MYO1C: variants seen among roughly 807,000 people sequenced by gnomAD.
The protein encoded by MYO1C is myosin IC.
A neutral mutation model predicts 150.8 loss-of-function variants in MYO1C; 104 were observed. The observed-to-expected ratio is 0.69, with a 90% CI of 0.59 to 0.81. The LOEUF (loss-of-function observed/expected upper bound fraction) is 0.81, where lower values mean the gene tolerates loss of function less well. Ranked by LOEUF, MYO1C falls within the 30% of genes least tolerant of loss-of-function variation. The pLI is 0.00. For missense variants in MYO1C, 1,504 were observed against 1,435.0 expected (o/e 1.05, Z -0.78); for synonymous variants, 663 against 579.9 (o/e 1.14, Z -2.06).
Position 1,479,993 on chromosome 17 carries a change from A to G in MYO1C, c.907-288T>C, listed in dbSNP as rs1182950061. Among the ~76,000 whole-genome samples the G allele has an allele frequency of 6.6e-6, 1 of 151,712 alleles. No individual in the cohort carries two copies. The highest frequency in any genetic ancestry group is 1.5e-5 in the Non-Finnish European group (1 of 67,928). ...AAACCCCATCATTATTAAAAATACAAAAATTAGCCAGGTGTGGTGGCAGGT... is the reference window on the plus strand; with the variant it reads ...AAACCCCATCATTATTAAAAATACAGAAATTAGCCAGGTGTGGTGGCAGGT... On this transcript the variant is annotated intron_variant, in intron 7 of 31. Coordinates refer to ENST00000648651, the MANE Select transcript of MYO1C (RefSeq NM_001080779.2). This position sits in a 1 kb window ranked among gnomAD's most constrained non-coding sequence, Gnocchi z 4.2.
rs1031352368 is a variant in MYO1C at position 1,474,084 on chromosome 17, C to A, written c.1797+526G>T. Among the ~76,000 whole-genome samples, 13 of 151,710 alleles carry A rather than the reference C, an allele frequency of 8.6e-5. No homozygotes were observed. In the East Asian group the frequency reaches 2.5e-3, roughly 29 times the overall value. ...ACAAGGATTCCCCTACAGACACAGC[C>A]CACACTGAAGACACACGACTCCACT... On this transcript the variant is annotated intron_variant, in intron 17 of 31. Coordinates refer to ENST00000648651, the MANE Select transcript of MYO1C (RefSeq NM_001080779.2).
At chr17:1,484,476 G>A (rs1203123928) in intron 1 of MYO1C, 173 bp from the exon 2 acceptor site, 15 of 741,020 alleles carry the variant, frequency 2.0e-5, no homozygotes, top group African/African-American at 5.2e-5. Flanking sequence ...TGGGTGTGGT[G>A]GGCCGGGTGC....
chr17:1,482,330 G>A, intron 5 of MYO1C, 148 bp downstream of exon 5: 1 of 766,316 alleles, frequency 1.3e-6, no homozygotes, highest in Non-Finnish European at 2.3e-6. Flanking sequence ...CCTGTTTATT[G>A]TTTATCACCC....
In MYO1C at chr17:1,470,036, A is replaced by AT. The variant is rs61440969; in HGVS notation, c.2526+138_2526+139insA. On this transcript the variant is annotated intron_variant, in intron 24 of 31. Transcript: ENST00000648651. ...TGTGAGACTCCATCTCAAAAAAAAA[A>AT]GAGACCTTACTTTTCACTGCTCAGC... is the stretch of plus-strand genomic sequence containing the variant. 0.015 allele frequency: 13,495 copies of AT among 923,318 alleles called. 1,116 individuals carry two copies. In the African/African-American group the frequency reaches 0.19, roughly 13 times the overall value. The allele number at this position is 923,318 out of a possible 1,614,324, so 57.2% of individuals were successfully genotyped here.
In MYO1C at chr17:1,465,459, C is replaced by T. The variant is rs935350678; in HGVS notation, c.*267G>A. ...AACCTCAGCAAAAGTTCCCTTCTCT[C>T]AAATATTTGGCATCGGCAGTAGGGC... On this transcript the variant is annotated 3_prime_UTR_variant, in exon 32 of 32. Coordinates refer to ENST00000648651, the MANE Select transcript of MYO1C (RefSeq NM_001080779.2). 12 of 378,240 alleles carry T rather than the reference C, an allele frequency of 3.2e-5. No homozygotes were observed. Among genetic ancestry groups the T allele is most frequent in the Middle Eastern group, 6.1e-4 (1 of 1,648 alleles). The allele number at this position is 378,240 out of a possible 1,614,324, so 23.4% of individuals were successfully genotyped here.
In MYO1C at chr17:1,482,545, G is replaced by A; in HGVS notation, c.560C>T (p.Ala187Val). 5 of 1,613,960 alleles carry A rather than the reference G, an allele frequency of 3.1e-6. No individual in the cohort carries two copies. Among genetic ancestry groups the A allele is most frequent in the Non-Finnish European group, 4.2e-6 (5 of 1,179,952 alleles). The change falls in exon 5 of 32, where the codon GCC becomes GTC. Residue 187 changes from alanine (A) to valine (V), a missense_variant. Transcript: ENST00000648651. ...GGAGTTATCGTTCCGGAGGGTCTTG[G>A]CATTTCCAAAGGCCTAGGAGTGGAC... ...SNPVLEAFGN[A>V]KTLRNDNSSR...
At position 1,467,239 on chromosome 17, in the gene MYO1C, C is replaced by G; in HGVS notation, c.3165+3G>C. On this transcript the variant is annotated splice_donor_region_variant and intron_variant, in intron 31 of 31. Transcript: ENST00000648651. Reference sequence around the variant, plus strand: ...CATAAGCGGGAAAGCAGGCCCCACTCACCACAGCCAGGTGCCCGTTCTTGG... The same window carrying G: ...CATAAGCGGGAAAGCAGGCCCCACTGACCACAGCCAGGTGCCCGTTCTTGG... 1 of 1,610,188 alleles carries G rather than the reference C, an allele frequency of 6.2e-7. No individual in the cohort carries two copies.
chr17:1,468,432 A>G lies in MYO1C; in HGVS notation c.2675T>C (p.Val892Ala). 6.2e-7 allele frequency: 1 copy of G among 1,614,018 alleles called. No individual in the cohort carries two copies. Among genetic ancestry groups the G allele is most frequent in the South Asian group, 1.1e-5 (1 of 91,070 alleles). Residue 892 changes from valine to alanine, a missense_variant, in exon 26 of 32, where the codon GTA (valine) becomes GCA (alanine). Physicochemically the swap from Val to Ala is moderately conservative, Grantham distance 64. Transcript: ENST00000648651. Reference sequence around the variant, plus strand: ...CCGAGTGCTGATGAAGAGCCTGGGTACACTCTGAGGGTAATTATCCTTCTT... The same window carrying G: ...CCGAGTGCTGATGAAGAGCCTGGGTGCACTCTGAGGGTAATTATCCTTCTT... ...KGKKDNYPQS[V>A]PRLFISTRLG...
intron 31 of MYO1C, among the ~76,000 whole-genome samples, chr17:1,466,033 A>C (rs111911627): frequency 0.011 from 1,622 of 151,776 alleles, 39 homozygotes; most frequent in African/African-American, 0.037. Flanking sequence ...TCCATCCTGG[A>C]GACTCAGACC....
chr17:1,485,669 C>A, intron 1 of MYO1C: 1 of 1,213,530 alleles, frequency 8.2e-7, no homozygotes, highest in Non-Finnish European at 1.0e-6. Context: ...GACCCCCCGC[C>A]CTGCCCCGCC....
At chr17:1,485,098 A>G in intron 1 of MYO1C, 1 of 1,239,652 alleles carries the variant, frequency 8.1e-7, no homozygotes, top group Non-Finnish European at 1.0e-6. Context: ...AGTCCTGAGA[A>G]GCCTCAGGGG....
At chr17:1,467,725 C>G in intron 29 of MYO1C, 115 bp downstream of exon 29, 2 of 690,786 alleles carry the variant, frequency 2.9e-6, no homozygotes, top group Non-Finnish European at 4.7e-6. Flanking sequence ...CAATCTACCC[C>G]CATCCACCCT....
intron 7 of MYO1C, 42 bp downstream of exon 7, chr17:1,480,485 G>T: frequency 6.7e-7 from 1 of 1,490,416 alleles, no homozygotes; most frequent in South Asian, 1.1e-5. Context: ...AGATTTTGGG[G>T]GTGTGACAGG....
At chr17:1,485,731 GC>G in intron 1 of MYO1C, 1 of 1,148,194 alleles carries the variant, frequency 8.7e-7, no homozygotes, top group Non-Finnish European at 1.1e-6. Flanking sequence ...CCGGCCTGGC[GC>G]CCGCTCCGCT....
At chr17:1,483,535 G>C in intron 3 of MYO1C, 75 bp downstream of exon 3, 6 of 1,060,632 alleles carry the variant, frequency 5.7e-6, no homozygotes, top group Non-Finnish European at 8.5e-6. Context: ...TCATTTCAGA[G>C]TAAGGTAAGG....
At position 1,465,649 on chromosome 17, in the gene MYO1C, G is replaced by T; in HGVS notation, c.*77C>A. ...TCCCTGGGTCCCTGTCTGGAAGTTC[G>T]AGTCTTTGGTAACTGGGAAGGGGAG... On this transcript the variant is annotated 3_prime_UTR_variant, in exon 32 of 32. Transcript: ENST00000648651. 2 of 1,292,860 alleles carry T rather than the reference G, an allele frequency of 1.5e-6. No individual in the cohort carries two copies. Among genetic ancestry groups the T allele is most frequent in the Non-Finnish European group, 2.0e-6 (2 of 996,194 alleles). The allele number at this position is 1,292,860 out of a possible 1,614,324, so 80.1% of individuals were successfully genotyped here.
In MYO1C at chr17:1,477,821, G is replaced by C. The variant is rs189469758; in HGVS notation, c.1482+70C>G. 3.1e-4 allele frequency: 441 copies of C among 1,433,400 alleles called. 1 individual carries two copies. In the African/African-American group the frequency reaches 5.7e-3, roughly 19 times the overall value. The allele number at this position is 1,433,400 out of a possible 1,614,324, so 88.8% of individuals were successfully genotyped here. ...CTGGCCCTCCGTGGACCAGCCTGGA[G>C]AGAACGGAGAAGGGGGACATCCTCC... On this transcript the variant is annotated intron_variant, in intron 13 of 31. Coordinates refer to ENST00000648651, the MANE Select transcript of MYO1C (RefSeq NM_001080779.2).
In MYO1C at chr17:1,470,301, G is replaced by T; in HGVS notation, c.2400C>A (p.Pro800=). ...GGAAGAAGGCGTTCTCGGGGCAGCG[G>T]GGGGCGTGGCGCAGGACGAAGCCTC... The part of the protein sequence containing the change: ...LIRGFVLRHA[P]RCPENAFFLD... Residue 800 remains proline (P), a synonymous_variant, in exon 24 of 32, where the codon CCC becomes CCA. Coordinates refer to ENST00000648651, the MANE Select transcript of MYO1C (RefSeq NM_001080779.2). 7.6e-6 allele frequency: 12 copies of T among 1,575,868 alleles called. No homozygotes were observed. Among genetic ancestry groups the T allele is most frequent in the Non-Finnish European group, 9.5e-6 (11 of 1,161,250 alleles).
chr17:1,470,160 G>C lies in MYO1C; in HGVS notation c.2526+15C>G, dbSNP rs573348111. 1.9e-5 allele frequency: 31 copies of C among 1,603,476 alleles called. No homozygotes were observed. In the African/African-American group the frequency reaches 2.9e-4, roughly 15 times the overall value. ...ACTATGATGGTCCCTAACTTGGCAGGGGGTGCCCACAGACCTCACGCAGGG... is the reference window on the plus strand; with the variant it reads ...ACTATGATGGTCCCTAACTTGGCAGCGGGTGCCCACAGACCTCACGCAGGG... On this transcript the variant is annotated intron_variant, in intron 24 of 31. Transcript: ENST00000648651.
Sources: gnomAD v4.1 joint callset for allele counts (sites outside exome capture counted in the v4.1 genomes callset) on GRCh38, gnomAD v4.1.1 for gene constraint, Gnocchi (gnomAD v3.1) non-coding constraint, MANE v1.5 for transcripts, NCBI Gene and HGNC (gene_info 2026-07-23, HGNC 2026-07-21) for gene names.